VCAN: variants seen among roughly 807,000 people sequenced by gnomAD.
VCAN encodes versican core protein.
Under a neutral mutation model 245.5 loss-of-function variants are expected in VCAN, and 44 were observed. That is an observed-to-expected ratio of 0.18 (90% CI 0.14 to 0.23). The LOEUF (loss-of-function observed/expected upper bound fraction) is 0.23, where lower values mean the gene tolerates loss of function less well. Ranked by LOEUF, VCAN falls within the 10% of genes least tolerant of loss-of-function variation. VCAN has a pLI of 1.00. For missense variants in VCAN, 3,793 were observed against 4,057.9 expected (o/e 0.93, Z 1.77); for synonymous variants, 1,413 against 1,437.0 (o/e 0.98, Z 0.38).
Position 83,521,114 on chromosome 5 carries a change from A to G in VCAN, c.2808A>G (p.Pro936=). The part of the protein sequence containing the change: ...GEVEDVDLSK[P]VSTVPQFAHT... ...TAGAAGATGTGGACCTCTCTAAGCC[A>G]GTATCTACTGTTCCCCAATTTGCAC... Residue 936 remains proline (P), a synonymous_variant, in exon 7 of 15, where the codon CCA becomes CCG. Transcript: ENST00000265077. The G allele has an allele frequency of 6.2e-7, 1 of 1,614,146 alleles. No individual in the cohort carries two copies. The highest frequency in any genetic ancestry group is 8.5e-7 in the Non-Finnish European group (1 of 1,179,990).
chr5:83,545,503 C>G (rs778975015), intron 8 of VCAN, 34 bp from the exon 9 acceptor site: 15 of 1,572,642 alleles, frequency 9.5e-6, no homozygotes, highest in Non-Finnish European at 1.3e-5. Context: ...AGAGACGAGC[C>G]TAACTGCTTT....
At chr5:83,472,044 C>A in intron 1 of VCAN, 21 bp downstream of exon 1, 1 of 342,934 alleles carries the variant, frequency 2.9e-6, no homozygotes. Flanking sequence ...TTCTTTTGTT[C>A]CCCCCTTAAA....
rs1196380019 is a variant in VCAN, at chr5:83,538,703, C to A, written c.5700C>A (p.Thr1900=). The A allele has an allele frequency of 5.0e-6, 8 of 1,613,898 alleles. No individual in the cohort carries two copies. In the South Asian group the frequency reaches 8.8e-5, roughly 18 times the overall value. The change falls in exon 8 of 15, where the codon ACC becomes ACA. Residue 1900 remains threonine, a synonymous_variant. Coordinates refer to ENST00000265077, the MANE Select transcript of VCAN (RefSeq NM_004385.5). ...VMDRVVAENI[T]QTSREIVISE... ...ACAGAGTAGTTGCTGAAAATATAACCCAAACATCCAGGGAAATAGTGATTT... is the reference window on the plus strand; with the variant it reads ...ACAGAGTAGTTGCTGAAAATATAACACAAACATCCAGGGAAATAGTGATTT...
intron 7 of VCAN, among the ~76,000 whole-genome samples, chr5:83,528,751 G>T (rs892431085): frequency 2.0e-5 from 3 of 152,034 alleles, no homozygotes; most frequent in Admixed American, 6.6e-5. Context: ...TGATTTAAAG[G>T]TTTATGACAT....
At chr5:83,499,011 A>G (rs1012465518) in intron 5 of VCAN, among the ~76,000 whole-genome samples, 1 of 151,992 alleles carries the variant, frequency 6.6e-6, no homozygotes, top group African/African-American at 2.4e-5. Flanking sequence ...ACACACGTGC[A>G]TCTCGCCCTG....
chr5:83,577,533 T>A (rs918710811), intron 13 of VCAN, among the ~76,000 whole-genome samples: 2 of 152,176 alleles, frequency 1.3e-5, no homozygotes, highest in African/African-American at 4.8e-5. Flanking sequence ...TTGTGGTGTG[T>A]CTTCCCAGGT....
At chr5:83,506,853 G>A (rs891175692) in intron 5 of VCAN, among the ~76,000 whole-genome samples, 3 of 152,116 alleles carry the variant, frequency 2.0e-5, no homozygotes, top group African/African-American at 4.8e-5. Flanking sequence ...ACATGGCAGC[G>A]GCAAGAGAAA....
At chr5:83,514,336 T>A (rs913313549) in intron 6 of VCAN, among the ~76,000 whole-genome samples, 4 of 152,174 alleles carry the variant, frequency 2.6e-5, no homozygotes, top group Non-Finnish European at 5.9e-5. Context: ...GTTAAAAGCA[T>A]TTAGCCATAT....
chr5:83,483,617 T>C (rs1744690787), intron 2 of VCAN, 29 bp downstream of exon 2: 1 of 1,595,348 alleles, frequency 6.3e-7, no homozygotes, highest in Non-Finnish European at 8.6e-7. Flanking sequence ...TCTTTGGTGT[T>C]AATTGAAATA....
In VCAN at chr5:83,513,612, C is replaced by T. The variant is rs560193437; in HGVS notation, c.1042+1216C>T. Reference sequence around the variant, plus strand: ...CTGTATTAGCTTGCCACAAGCTGGTCGCTCCATAAAGACTGTAGAAAATGC... The same window carrying T: ...CTGTATTAGCTTGCCACAAGCTGGTTGCTCCATAAAGACTGTAGAAAATGC... On this transcript the variant is annotated intron_variant, in intron 6 of 14. Coordinates refer to ENST00000265077, the MANE Select transcript of VCAN (RefSeq NM_004385.5). Among the ~76,000 whole-genome samples, 9 of 152,306 alleles carry T rather than the reference C, an allele frequency of 5.9e-5. No individual in the cohort carries two copies. In the South Asian group the frequency reaches 1.4e-3, roughly 25 times the overall value.
intron 7 of VCAN, among the ~76,000 whole-genome samples, chr5:83,529,377 A>C (rs1746433387): frequency 6.6e-6 from 1 of 151,270 alleles, no homozygotes; most frequent in Non-Finnish European, 1.5e-5. Context: ...AGAACAATAC[A>C]GCAATAAAAA....
rs1746054992 is a variant in VCAN at position 83,520,734 on chromosome 5, A to G, written c.2428A>G (p.Thr810Ala). 1 of 1,614,040 alleles carries G rather than the reference A, an allele frequency of 6.2e-7. No homozygotes were observed. Among genetic ancestry groups the G allele is most frequent in the Non-Finnish European group, 8.5e-7 (1 of 1,180,006 alleles). Reference protein sequence around the residue: ...VSKWSWDEDNTTSKPLESTEP... With the variant: ...VSKWSWDEDNATSKPLESTEP... ...AAAATGGTCATGGGATGAAGATAAT[A>G]CAACATCCAAGCCTTTAGAGTCTAC... The change falls in exon 7 of 15, where the codon ACA (threonine) becomes GCA (alanine). Residue 810 changes from threonine (T) to alanine (A), a missense_variant. By Grantham distance (58) the Thr-to-Ala change is moderately conservative (BLOSUM62 0). Transcript: ENST00000265077.
In VCAN at chr5:83,519,738, G is replaced by A. The variant is rs753756997; in HGVS notation, c.1432G>A (p.Val478Met). 7.4e-6 allele frequency: 12 copies of A among 1,614,010 alleles called. No homozygotes were observed. Among genetic ancestry groups the A allele is most frequent in the South Asian group, 4.4e-5 (4 of 91,088 alleles). ...HYATDSWDGV[V>M]EDKQTQESVT... Reference sequence around the variant, plus strand: ...TGCTACGGATTCATGGGATGGTGTCGTGGAAGATAAACAAACACAAGAATC... The same window carrying A: ...TGCTACGGATTCATGGGATGGTGTCATGGAAGATAAACAAACACAAGAATC... The change falls in exon 7 of 15, where the codon GTG becomes ATG. Residue 478 changes from valine to methionine, a missense_variant. By Grantham distance (21) the Val-to-Met change is conservative (BLOSUM62 1). Around this residue, in one of 5 missense-constraint regions of VCAN, gnomAD observed 3,182 missense variants for 3,250.3 expected, o/e 0.98. Transcript: ENST00000265077.
At chr5:83,491,539 A>AT (rs1013940427) in intron 3 of VCAN, among the ~76,000 whole-genome samples, 2 of 151,888 alleles carry the variant, frequency 1.3e-5, no homozygotes, top group East Asian at 3.9e-4. Context: ...TTTTATCATT[A>AT]TTTTTGTTAG....
At chr5:83,478,424 C>T (rs187420627) in intron 1 of VCAN, among the ~76,000 whole-genome samples, 53 of 152,166 alleles carry the variant, frequency 3.5e-4, no homozygotes, top group African/African-American at 1.3e-3. Flanking sequence ...CTCTTTGATT[C>T]AGCAATTCCA....
At position 83,539,074 on chromosome 5, in the gene VCAN, C is replaced by T. The variant is rs1293570832; in HGVS notation, c.6071C>T (p.Pro2024Leu). ...GTCACAGTCAGCAGCTCTGTTGTTC[C>T]AGTGCTTCCCAGTGCTGTGCAAAAG... ...QLVTVSSSVV[P>L]VLPSAVQKFS... Residue 2024 changes from proline to leucine, a missense_variant, in exon 8 of 15, where the codon CCA becomes CTA. Around this residue, in one of 5 missense-constraint regions of VCAN, gnomAD observed 3,182 missense variants for 3,250.3 expected, o/e 0.98. Coordinates refer to ENST00000265077, the MANE Select transcript of VCAN (RefSeq NM_004385.5). 6.2e-7 allele frequency: 1 copy of T among 1,613,966 alleles called. No homozygotes were observed. The highest frequency in any genetic ancestry group is 8.5e-7 in the Non-Finnish European group (1 of 1,179,960).
Position 83,520,977 on chromosome 5 carries a change from A to G in VCAN, c.2671A>G (p.Ile891Val). The change falls in exon 7 of 15, where the codon ATT becomes GTT. Residue 891 changes from isoleucine (I) to valine (V), a missense_variant. Around this residue, in one of 5 missense-constraint regions of VCAN, gnomAD observed 3,182 missense variants for 3,250.3 expected, o/e 0.98. Coordinates refer to ENST00000265077, the MANE Select transcript of VCAN (RefSeq NM_004385.5). ...IRFQPTTSTGIAEKSTLRDST... is the reference protein window; with the variant it reads ...IRFQPTTSTGVAEKSTLRDST... ...ATTTCAGCCAACTACATCAACTGGT[A>G]TTGCAGAAAAGTCAACTTTGAGAGA... is the stretch of plus-strand genomic sequence containing the variant. 1.2e-6 allele frequency: 2 copies of G among 1,614,102 alleles called. No individual in the cohort carries two copies. Among genetic ancestry groups the G allele is most frequent in the Non-Finnish European group, 1.7e-6 (2 of 1,179,978 alleles).
chr5:83,508,784 C>T (rs1745557670), intron 5 of VCAN, among the ~76,000 whole-genome samples: 1 of 152,028 alleles, frequency 6.6e-6, no homozygotes. Context: ...ACAAGAAACC[C>T]AATGGTAATG....
At chr5:83,508,342 G>A (rs1007558409) in intron 5 of VCAN, among the ~76,000 whole-genome samples, 4 of 152,136 alleles carry the variant, frequency 2.6e-5, no homozygotes, top group African/African-American at 9.7e-5. Context: ...TTAGAACAGT[G>A]TTTTCCAAAA....
Sources: gnomAD v4.1 joint callset for allele counts (sites outside exome capture counted in the v4.1 genomes callset) on GRCh38, gnomAD v4.1.1 for gene constraint, gnomAD v4.1.1 regional missense constraint, MANE v1.5 for transcripts, NCBI Gene and HGNC (gene_info 2026-07-23, HGNC 2026-07-21) for gene names.